ELMO1: variants seen among roughly 807,000 people sequenced by gnomAD.
The protein encoded by ELMO1 is engulfment and cell motility 1, also known as engulfment and cell motility protein 1.
ELMO1 carries 26 observed loss-of-function variants against 98.9 expected under a neutral mutation model. That is an observed-to-expected ratio of 0.26 (90% CI 0.19 to 0.36). The LOEUF (loss-of-function observed/expected upper bound fraction) is 0.36, where lower values mean the gene tolerates loss of function less well. ELMO1 is among the 10% of genes least tolerant of loss of function. The pLI is 1.00. For missense variants in ELMO1, 627 were observed against 935.2 expected, an observed-to-expected ratio of 0.67 and a Z score of 4.30; for synonymous variants, 346 against 346.0, an observed-to-expected ratio of 1.00 and a Z score of 0.00.
intron 10 of ELMO1, among the ~76,000 whole-genome samples, chr7:37,218,501 G>A (rs1215552610): frequency 6.6e-6 from 1 of 152,022 alleles, no homozygotes; most frequent in Admixed American, 6.6e-5. Flanking sequence ...AGAGAAAATA[G>A]AAATATCCAT....
intron 15 of ELMO1, among the ~76,000 whole-genome samples, chr7:37,050,530 A>C (rs901708336): frequency 1.3e-5 from 2 of 151,988 alleles, no homozygotes; most frequent in African/African-American, 4.8e-5. Flanking sequence ...GGGACCTAAA[A>C]AACAGCATGG....
intron 13 of ELMO1, among the ~76,000 whole-genome samples, chr7:37,145,648 C>T (rs1256240490): frequency 6.6e-6 from 1 of 152,186 alleles, no homozygotes; most frequent in Admixed American, 6.5e-5. Flanking sequence ...CATGCTAGTC[C>T]TTTATTAGCG....
At chr7:37,227,505 C>A (rs1300721794) in intron 8 of ELMO1, among the ~76,000 whole-genome samples, 1 of 152,170 alleles carries the variant, frequency 6.6e-6, no homozygotes, top group Non-Finnish European at 1.5e-5. Flanking sequence ...CCTGCCTCAG[C>A]CTCTTAAGTA....
intron 13 of ELMO1, among the ~76,000 whole-genome samples, chr7:37,209,386 GAC>G (rs1242618032): frequency 6.6e-6 from 1 of 152,156 alleles, no homozygotes; most frequent in Non-Finnish European, 1.5e-5. Context: ...CTGGGACAGA[GAC>G]ACATGCATCC....
At chr7:37,093,352 T>C (rs1784218661) in intron 15 of ELMO1, among the ~76,000 whole-genome samples, 1 of 152,200 alleles carries the variant, frequency 6.6e-6, no homozygotes, top group Non-Finnish European at 1.5e-5. Flanking sequence ...GAAAATTGGA[T>C]CTTTCTACTT....
intron 13 of ELMO1, among the ~76,000 whole-genome samples, chr7:37,195,872 G>A (rs1162797062): frequency 5.3e-5 from 8 of 152,170 alleles, no homozygotes; most frequent in Admixed American, 3.3e-4. Flanking sequence ...AAGAAACAAG[G>A]AAAAGCTTTA....
intron 19 of ELMO1, among the ~76,000 whole-genome samples, chr7:36,877,215 T>C (rs1280972477): frequency 6.6e-6 from 1 of 152,214 alleles, no homozygotes; most frequent in African/African-American, 2.4e-5. Flanking sequence ...TAAAGGTTAT[T>C]TAAAAGTGCT....
intron 15 of ELMO1, among the ~76,000 whole-genome samples, chr7:37,062,703 C>T (rs1046513038): frequency 6.6e-6 from 1 of 152,180 alleles, no homozygotes; most frequent in African/African-American, 2.4e-5. Context: ...CCCATAGCAA[C>T]TGCAGCTTGC....
At chr7:37,397,775 A>T (rs1170363489) in intron 1 of ELMO1, among the ~76,000 whole-genome samples, 1 of 152,252 alleles carries the variant, frequency 6.6e-6, no homozygotes, top group Non-Finnish European at 1.5e-5. Flanking sequence ...GATCGACTGG[A>T]TAAAGAAAAT....
chr7:37,096,459 T>C (rs1255454696), intron 15 of ELMO1, among the ~76,000 whole-genome samples, 160 bp downstream of exon 15: 1 of 152,198 alleles, frequency 6.6e-6, no homozygotes, highest in Non-Finnish European at 1.5e-5. Context: ...TGCAAAAGTA[T>C]GTATGCTGTA....
chr7:36,879,377 TG>T (rs1172233525), intron 18 of ELMO1, among the ~76,000 whole-genome samples: 2 of 152,264 alleles, frequency 1.3e-5, no homozygotes, highest in Non-Finnish European at 2.9e-5. Flanking sequence ...ACTGTGCGGT[TG>T]GTACCCTTTG....
intron 15 of ELMO1, among the ~76,000 whole-genome samples, chr7:37,060,490 G>A (rs1364492251): frequency 6.6e-6 from 1 of 152,108 alleles, no homozygotes; most frequent in Non-Finnish European, 1.5e-5. Context: ...GAGAATAACA[G>A]ACACTGAGAA....
At chr7:36,872,341 G>A (rs1803593025) in intron 19 of ELMO1, among the ~76,000 whole-genome samples, 1 of 152,194 alleles carries the variant, frequency 6.6e-6, no homozygotes, top group Non-Finnish European at 1.5e-5. Flanking sequence ...GAGGATGGAA[G>A]ACATGGTGCA....
chr7:37,246,651 G>T (rs1022582721), intron 6 of ELMO1, among the ~76,000 whole-genome samples: 8 of 152,146 alleles, frequency 5.3e-5, no homozygotes, highest in African/African-American at 1.9e-4. Flanking sequence ...ACAAAATCTT[G>T]TGTTTCAGTA....
At chr7:37,276,331 G>A (rs561072705) in intron 4 of ELMO1, among the ~76,000 whole-genome samples, 2 of 152,142 alleles carry the variant, frequency 1.3e-5, no homozygotes, top group Non-Finnish European at 2.9e-5. Flanking sequence ...CACGTAGGCC[G>A]GGCACGGTGG....
At chr7:36,862,685 C>T (rs900495954) in intron 20 of ELMO1, among the ~76,000 whole-genome samples, 10 of 151,060 alleles carry the variant, frequency 6.6e-5, no homozygotes, top group East Asian at 5.9e-4. Context: ...TCCAAACCAA[C>T]GCTCTACACT....
intron 14 of ELMO1, among the ~76,000 whole-genome samples, chr7:37,108,492 GT>G (rs1785060982): frequency 1.3e-5 from 2 of 152,242 alleles, no homozygotes; most frequent in Non-Finnish European, 1.5e-5. Flanking sequence ...TTGCTTCTGA[GT>G]TTTTTCATTC....
At chr7:36,929,118 C>T (rs1785819090) in intron 16 of ELMO1, among the ~76,000 whole-genome samples, 1 of 152,228 alleles carries the variant, frequency 6.6e-6, no homozygotes, top group Non-Finnish European at 1.5e-5. Flanking sequence ...AGAACCAAAG[C>T]CCCATACTCT....
chr7:37,099,833 A>ATTTTT (rs768234746), intron 14 of ELMO1, among the ~76,000 whole-genome samples: 1 of 141,324 alleles, frequency 7.1e-6, no homozygotes, highest in South Asian at 2.3e-4. Flanking sequence ...CTGGAGTTCA[A>ATTTTT]TTTTTTTTTT....
Sources: gnomAD v4.1 joint callset for allele counts (sites outside exome capture counted in the v4.1 genomes callset) on GRCh38, gnomAD v4.1.1 for gene constraint, MANE v1.5 for transcripts, NCBI Gene and HGNC (gene_info 2026-07-23, HGNC 2026-07-21) for gene names.